The following GCNT4 variants were observed in gnomAD, a reference collection of about 807,000 sequenced individuals.
GCNT4 encodes the protein glucosaminyl (N-acetyl) transferase 4.
GCNT4 carries 17 observed loss-of-function variants against 31.3 expected under a neutral mutation model. The observed-to-expected ratio is 0.54, with a 90% CI of 0.37 to 0.81. GCNT4 has a LOEUF of 0.81. GCNT4 is among the 40% of genes least tolerant of loss of function. GCNT4 has a pLI of 0.00. For synonymous variants in GCNT4, 158 were observed against 190.6 expected (o/e 0.83, Z 1.41); for missense variants, 503 against 525.5 (o/e 0.96, Z 0.42).
intron 3 of GCNT4, among the ~76,000 whole-genome samples, chr5:75,036,591 G>T (rs915134193): frequency 6.6e-6 from 1 of 152,142 alleles, no homozygotes; most frequent in African/African-American, 2.4e-5. Context: ...CCTAGAACAG[G>T]AACAGGAATG....
intron 2 of GCNT4, among the ~76,000 whole-genome samples, chr5:75,051,421 C>G (rs1470842171): frequency 6.6e-6 from 1 of 152,236 alleles, no homozygotes; most frequent in African/African-American, 2.4e-5. Context: ...CTGCTTTCTT[C>G]CCGCCTTGTA....
downstream of GCNT4, among the ~76,000 whole-genome samples, chr5:75,022,306 A>C (rs576208867): frequency 3.3e-5 from 5 of 152,234 alleles, no homozygotes; most frequent in Non-Finnish European, 7.3e-5. Context: ...AAAAATATAG[A>C]TAGCTACCTC....
chr5:75,021,106 A>T (rs1271596706), downstream of GCNT4, among the ~76,000 whole-genome samples: 1 of 152,216 alleles, frequency 6.6e-6, no homozygotes, highest in East Asian at 1.9e-4. Context: ...ACCTAAGGGC[A>T]GGTGGAGCTG....
At chr5:75,023,694 A>G (rs1742908144), downstream of GCNT4, 1 of 152,238 alleles carries the variant, frequency 6.6e-6, no homozygotes. Flanking sequence ...AGATAAGAGC[A>G]TTCAGAGAAC....
chr5:75,017,418 G>A, the GCNT4 span: 22 of 152,236 alleles, frequency 1.4e-4, no homozygotes, highest in African/African-American at 5.1e-4. Context: ...TTTCAGTTTC[G>A]GTGTTCCTAC....
chr5:75,045,452 G>A (rs1186374569), intron 3 of GCNT4, among the ~76,000 whole-genome samples: 1 of 152,192 alleles, frequency 6.6e-6, no homozygotes, highest in African/African-American at 2.4e-5. Context: ...TGTAGTGTGT[G>A]TCAAAATTTC....
chr5:75,029,607 A>G lies in GCNT4; in HGVS notation c.431T>C (p.Ile144Thr). The change falls in exon 4 of 4, where the codon ATT becomes ACT. Residue 144 changes from isoleucine to threonine, a missense_variant. Physicochemically the swap from Ile to Thr is moderately conservative, Grantham distance 89. Transcript: ENST00000652361. ...AYSLVVHKDA[I>T]MVERLIHAIY... ...AGCATGGATAAGCCTTTCAACCATA[A>G]TTGCATCTTTGTGGACAACCAAAGA... 2.5e-6 allele frequency: 4 copies of G among 1,614,124 alleles called. No individual in the cohort carries two copies. The South Asian group carries it at 4.4e-5, about 18-fold the overall frequency.
rs771735282 is a variant in GCNT4 at position 75,029,521 on chromosome 5, T to C, written c.517A>G (p.Lys173Glu). The stretch of plus-strand genomic sequence containing the variant: ...TTAGCTAAATTGTTCATGGCAACTT[T>C]GAAGGTATCAGGTGCCTTACGATCA... ...HYDRKAPDTFKVAMNNLAKCF... is the reference protein window; with the variant it reads ...HYDRKAPDTFEVAMNNLAKCF... The change falls in exon 4 of 4, where the codon AAA (lysine) becomes GAA (glutamate). Residue 173 changes from lysine to glutamate, a missense_variant. Transcript: ENST00000652361. The C allele has an allele frequency of 1.9e-6, 3 of 1,614,016 alleles. No individual in the cohort carries two copies. The highest frequency in any genetic ancestry group is 8.5e-7 in the Non-Finnish European group (1 of 1,180,036).
intron 3 of GCNT4, among the ~76,000 whole-genome samples, chr5:75,047,222 G>C (rs987392129): frequency 6.6e-6 from 1 of 152,142 alleles, no homozygotes; most frequent in South Asian, 2.1e-4. Context: ...TATTTCTTAA[G>C]TCAATTTAAT....
rs60551634 is a variant in GCNT4, at chr5:75,032,872, G to GGTGTGTGT, written c.-1-2842_-1-2835dup. Among the ~76,000 whole-genome samples the GGTGTGTGT allele has an allele frequency of 8.3e-3, 1,090 of 130,674 alleles. 13 individuals are homozygous for GGTGTGTGT. Among genetic ancestry groups the GGTGTGTGT allele is most frequent in the Middle Eastern group, 0.016 (4 of 248 alleles). The allele number at this position is 130,674 out of a possible 152,430, so 85.7% of individuals were successfully genotyped here. A position where few individuals can be genotyped will look rare whatever the true frequency, so the allele number is the denominator to read the frequency against. ...AGAAGACTAATCAATCCCAAATAGGGGTGTGTGTGTGTGTGTGTGTGTGTG... is the reference window on the plus strand; with the variant it reads ...AGAAGACTAATCAATCCCAAATAGGGGTGTGTGTGTGTGTGTGTGTGTGTGTGTGTGTG... On this transcript the variant is annotated intron_variant, in intron 3 of 3. Coordinates refer to ENST00000652361, the MANE Select transcript of GCNT4 (RefSeq NM_001366737.1).
At chr5:75,044,443 A>G (rs1198518920) in intron 3 of GCNT4, among the ~76,000 whole-genome samples, 1 of 150,686 alleles carries the variant, frequency 6.6e-6, no homozygotes, top group African/African-American at 2.4e-5. Context: ...TAATAATGTC[A>G]TTAATCTAGT....
In GCNT4 at chr5:75,029,181, T is replaced by G; in HGVS notation, c.857A>C (p.Asn286Thr). Reference sequence around the variant, plus strand: ...ATGGGGGGGTGCTTCCTTGGAGATGTTTGTCCTTATTGGTAGCTTCACATA... The same window carrying G: ...ATGGGGGGGTGCTTCCTTGGAGATGGTTGTCCTTATTGGTAGCTTCACATA... Reference protein sequence around the residue: ...YEYVKLPIRTNISKEAPPHNI... With the variant: ...YEYVKLPIRTTISKEAPPHNI... Residue 286 changes from asparagine to threonine, a missense_variant, in exon 4 of 4, where the codon AAC becomes ACC. Coordinates refer to ENST00000652361, the MANE Select transcript of GCNT4 (RefSeq NM_001366737.1). The G allele has an allele frequency of 6.2e-7, 1 of 1,613,926 alleles. No individual in the cohort carries two copies. Among genetic ancestry groups the G allele is most frequent in the South Asian group, 1.1e-5 (1 of 91,084 alleles).
At chr5:75,034,840 C>T (rs1743159951) in intron 3 of GCNT4, among the ~76,000 whole-genome samples, 1 of 152,272 alleles carries the variant, frequency 6.6e-6, no homozygotes, top group African/African-American at 2.4e-5. Context: ...CCATGTTCTT[C>T]TCCCAACCCA....
At chr5:75,043,835 G>T (rs1317332442) in intron 3 of GCNT4, among the ~76,000 whole-genome samples, 1 of 152,208 alleles carries the variant, frequency 6.6e-6, no homozygotes, top group Non-Finnish European at 1.5e-5. Context: ...ATTTAAACCA[G>T]ATTAAAGTGG....
downstream of GCNT4, among the ~76,000 whole-genome samples, chr5:75,020,734 T>C (rs546572924): frequency 9.8e-5 from 15 of 152,288 alleles, no homozygotes; most frequent in Non-Finnish European, 2.9e-5. Flanking sequence ...TGCCAATAGT[T>C]GACCACTTCT....
In GCNT4 at chr5:75,043,719, A is replaced by T. The variant is rs187535316; in HGVS notation, c.-2+4178T>A. ...CACTTTGAATTCCTGTTACATGAGAAAAGTAAGCCCTTATATGTTTAAGCA... is the reference window on the plus strand; with the variant it reads ...CACTTTGAATTCCTGTTACATGAGATAAGTAAGCCCTTATATGTTTAAGCA... On this transcript the variant is annotated intron_variant, in intron 3 of 3. Transcript: ENST00000652361. Among the ~76,000 whole-genome samples the T allele has an allele frequency of 2.6e-5, 4 of 152,284 alleles. No homozygotes were observed. In the East Asian group the frequency reaches 7.7e-4, roughly 29 times the overall value.
chr5:75,049,424 G>T (rs1156576431), intron 2 of GCNT4, among the ~76,000 whole-genome samples: 1 of 152,018 alleles, frequency 6.6e-6, no homozygotes, highest in African/African-American at 2.4e-5. Context: ...ATCCAATCCT[G>T]TCTCCAAATG....
At chr5:75,022,663 T>C (rs866029211), downstream of GCNT4, among the ~76,000 whole-genome samples, 27 of 152,196 alleles carry the variant, frequency 1.8e-4, no homozygotes, top group African/African-American at 5.5e-4. Flanking sequence ...ACCAGTGTCC[T>C]AGACAAACAT....
intron 3 of GCNT4, among the ~76,000 whole-genome samples, chr5:75,046,189 A>C (rs759086091): frequency 8.6e-5 from 13 of 152,024 alleles, no homozygotes; most frequent in Non-Finnish European, 1.9e-4. Context: ...ATCTGCCATT[A>C]TGTCTCTCTG....
Sources: allele counts gnomAD v4.1 joint callset (sites outside exome capture counted in the v4.1 genomes callset), GRCh38; gene constraint gnomAD v4.1.1; transcripts MANE v1.5; gene names NCBI Gene and HGNC (gene_info 2026-07-23, HGNC 2026-07-21).